Variants in ZDHHC9 observed in about 807,000 individuals in gnomAD.
ZDHHC9 encodes the protein palmitoyltransferase ZDHHC9.
A neutral mutation model predicts 26.6 loss-of-function variants in ZDHHC9; 3 were observed. The observed-to-expected ratio is 0.11, with a 90% CI of 0.05 to 0.29. ZDHHC9 has a LOEUF of 0.29. Among genes scored for constraint, ZDHHC9 ranks in the 10% least tolerant of loss-of-function variants. The probability of loss-of-function intolerance (pLI) is 1.00; values close to 1 mark genes in which losing one functional copy is unlikely to be tolerated. For missense variants in ZDHHC9, 146 were observed against 296.4 expected, an observed-to-expected ratio of 0.49 and a Z score of 3.73; for synonymous variants, 111 against 109.4, an observed-to-expected ratio of 1.01 and a Z score of -0.09.
In ZDHHC9 at chrX:129,810,924, C is replaced by T. The variant is rs761865458; in HGVS notation, c.959G>A (p.Ser320Asn). 4.1e-6 allele frequency: 5 copies of T among 1,211,366 alleles called. No individual in the cohort carries two copies. The highest frequency in any genetic ancestry group is 5.6e-6 in the Non-Finnish European group (5 of 895,184). Residue 320 changes from serine (S) to asparagine (N), a missense_variant, in exon 10 of 11, where the codon AGC becomes AAC. Ser to Asn is a conservative substitution (Grantham distance 46, BLOSUM62 1). Around this residue, in one of 2 missense-constraint regions of ZDHHC9, gnomAD observed 46 missense variants for 46.4 expected, o/e 0.99. Coordinates refer to ENST00000357166, the MANE Select transcript of ZDHHC9 (RefSeq NM_016032.4). ...RPPSTQETSS[S>N]LLPQSPAPTE... is the part of the protein sequence containing the mutation. ...ACTTACTGGGCTCTGTGGCAAGAGGCTGCTACTGGTCTCTTGAGTACTGGG... is the reference window on the plus strand; with the variant it reads ...ACTTACTGGGCTCTGTGGCAAGAGGTTGCTACTGGTCTCTTGAGTACTGGG...
At chrX:129,807,848 G>T (rs1927556849) in intron 10 of ZDHHC9, among the ~76,000 whole-genome samples, 1 of 112,059 alleles carries the variant, frequency 8.9e-6, no homozygotes, top group African/African-American at 3.2e-5. Context: ...AAACAAAAAA[G>T]AACTAATGAA....
rs1362194883 is a variant in ZDHHC9, at chrX:129,828,296, C to T, written c.328+685G>A. On this transcript the variant is annotated intron_variant, in intron 4 of 10. Coordinates refer to ENST00000357166, the MANE Select transcript of ZDHHC9 (RefSeq NM_016032.4). ...GCTCTTGAGCCACTTGCTCAAGCCC[C>T]CTCCCACTCTGTGGAGTGTACTTTT... Among the ~76,000 whole-genome samples the T allele has an allele frequency of 3.6e-5, 4 of 111,483 alleles. No homozygotes were observed. The Admixed American group carries it at 3.8e-4, about 11-fold the overall frequency.
chrX:129,807,112 G>A (rs1927533494), intron 10 of ZDHHC9, among the ~76,000 whole-genome samples: 1 of 112,610 alleles, frequency 8.9e-6, no homozygotes, highest in African/African-American at 3.2e-5. Context: ...GAAAGGCAAA[G>A]TAGAGAACTA....
chrX:129,814,838 C>T, intron 5 of ZDHHC9, 43 bp from the exon 6 acceptor site: 1 of 1,195,372 alleles, frequency 8.4e-7, no homozygotes, highest in Middle Eastern at 2.3e-4. Context: ...GCCTCCAGAA[C>T]AAAAATCAAC....
chrX:129,811,569 A>G, intron 8 of ZDHHC9, 60 bp from the exon 9 acceptor site: 4 of 888,205 alleles, frequency 4.5e-6, no homozygotes, highest in Non-Finnish European at 6.4e-6. Context: ...AAATAATAAT[A>G]ATAAAATTAA....
rs762196668 is a variant in ZDHHC9 at position 129,811,021 on chromosome X, T to C, written c.882-20A>G. 8.4e-7 allele frequency: 1 copy of C among 1,186,941 alleles called. No individual in the cohort carries two copies. Among genetic ancestry groups the C allele is most frequent in the East Asian group, 3.0e-5 (1 of 33,639 alleles). Reference sequence around the variant, plus strand: ...AGCACACTGAAGGAGATAAGAGAGTTAACAAAGAACTGGGCATTCACCCCT... The same window carrying C: ...AGCACACTGAAGGAGATAAGAGAGTCAACAAAGAACTGGGCATTCACCCCT... On this transcript the variant is annotated intron_variant, in intron 9 of 10. Coordinates refer to ENST00000357166, the MANE Select transcript of ZDHHC9 (RefSeq NM_016032.4).
At chrX:129,839,223 CTT>C (rs767316222) in intron 3 of ZDHHC9, among the ~76,000 whole-genome samples, 28 of 94,532 alleles carry the variant, frequency 3.0e-4, no homozygotes, top group Admixed American at 4.6e-4. Context: ...TCACTAAGTT[CTT>C]TTTTTTTTTT....
rs770656454 is a variant in ZDHHC9, at chrX:129,836,042, C to T, written c.167+5737G>A. 7.2e-5 allele frequency among the ~76,000 whole-genome samples: 8 copies of T among 111,646 alleles called. 1 individual carries two copies. Among genetic ancestry groups the T allele is most frequent in the African/African-American group, 2.6e-4 (8 of 30,769 alleles). ...ATAGAGTCATTCCCCAGAGAATGCA[C>T]TCTTGGTTACAGAGCACAATATAGT... On this transcript the variant is annotated intron_variant, in intron 3 of 10. Coordinates refer to ENST00000357166, the MANE Select transcript of ZDHHC9 (RefSeq NM_016032.4).
chrX:129,811,651 G>A, intron 8 of ZDHHC9, 142 bp from the exon 9 acceptor site: 1 of 507,971 alleles, frequency 2.0e-6, no homozygotes, highest in South Asian at 3.6e-5. Context: ...TAATAAAAAA[G>A]TTCTGGAAAT....
At chrX:129,806,559 C>G (rs951224143) in intron 10 of ZDHHC9, 73 bp from the exon 11 acceptor site, 3 of 924,442 alleles carry the variant, frequency 3.2e-6, no homozygotes, top group Admixed American at 2.4e-5. Flanking sequence ...ACCTTAGACA[C>G]TGAACTCTTC....
chrX:129,838,547 T>C (rs1955682233), intron 3 of ZDHHC9, among the ~76,000 whole-genome samples: 1 of 111,267 alleles, frequency 9.0e-6, no homozygotes, highest in Non-Finnish European at 1.9e-5. Flanking sequence ...CAGGTGTCTG[T>C]AATCCCAGCT....
intron 4 of ZDHHC9, among the ~76,000 whole-genome samples, chrX:129,826,121 T>A (rs1259038812): frequency 8.9e-6 from 1 of 112,357 alleles, no homozygotes; most frequent in Non-Finnish European, 1.9e-5. Flanking sequence ...TTTTCCTTTT[T>A]TTGTGGAGTG....
In ZDHHC9 at chrX:129,806,462, T is replaced by C; in HGVS notation, c.1003A>G (p.Asn335Asp). 1.7e-6 allele frequency: 2 copies of C among 1,211,653 alleles called. No individual in the cohort carries two copies. The highest frequency in any genetic ancestry group is 2.2e-6 in the Non-Finnish European group (2 of 895,363). The stretch of plus-strand genomic sequence containing the variant: ...GTGCTGCTGTCCTCCGGCATCTCAT[T>C]TGAGTTCAGGTGTTCTGTGGGGGCC... ...SPAPTEHLNS[N>D]EMPEDSSTPE... The change falls in exon 11 of 11, where the codon AAT becomes GAT. Residue 335 changes from asparagine to aspartate, a missense_variant. Asn to Asp is a conservative substitution (Grantham distance 23). Around this residue, in one of 2 missense-constraint regions of ZDHHC9, gnomAD observed 46 missense variants for 46.4 expected, o/e 0.99. Transcript: ENST00000357166.
At chrX:129,842,156 C>A (rs1319706570) in intron 2 of ZDHHC9, 76 bp from the exon 3 acceptor site, 4 of 453,819 alleles carry the variant, frequency 8.8e-6, no homozygotes, top group Non-Finnish European at 1.1e-5. Flanking sequence ...TTCCCAGAGA[C>A]AGAAAGTTGA....
intron 3 of ZDHHC9, among the ~76,000 whole-genome samples, chrX:129,832,708 G>A (rs1011229802): frequency 3.0e-4 from 33 of 110,684 alleles, no homozygotes; most frequent in South Asian, 1.5e-3. Context: ...GTGTGAACCC[G>A]GGAGGTGGAG....
At chrX:129,838,345 C>T (rs781068992) in intron 3 of ZDHHC9, among the ~76,000 whole-genome samples, 1 of 111,352 alleles carries the variant, frequency 9.0e-6, no homozygotes, top group African/African-American at 3.3e-5. Flanking sequence ...TCGGTGACAG[C>T]GGCCCGAGAG....
chrX:129,825,587 A>T (rs1032317492), intron 4 of ZDHHC9, among the ~76,000 whole-genome samples: 8 of 110,887 alleles, frequency 7.2e-5, no homozygotes, highest in African/African-American at 2.6e-4. Context: ...TATTGTTGGG[A>T]TTTTTTACTA....
At chrX:129,823,569 T>C in intron 5 of ZDHHC9, 110 bp downstream of exon 5, 1 of 950,571 alleles carries the variant, frequency 1.1e-6, no homozygotes, top group Non-Finnish European at 1.5e-6. Context: ...CTAAATCTAG[T>C]TCATTTCTCA....
Position 129,807,454 on chromosome X carries a change from G to GAAA in ZDHHC9, c.979-971_979-969dup, listed in dbSNP as rs779819713. Among the ~76,000 whole-genome samples, 108 of 27,349 alleles carry GAAA rather than the reference G, an allele frequency of 3.9e-3. 1 individual carries two copies. Among genetic ancestry groups the GAAA allele is most frequent in the African/African-American group, 0.011 (99 of 8,868 alleles). The allele number at this position is 27,349 out of a possible 115,157, so 23.7% of individuals were successfully genotyped here. A position where few individuals can be genotyped will look rare whatever the true frequency, so the allele number is the denominator to read the frequency against. On this transcript the variant is annotated intron_variant, in intron 10 of 10. Coordinates refer to ENST00000357166, the MANE Select transcript of ZDHHC9 (RefSeq NM_016032.4). ...GGCGACAGAGCGAGACTCCGTCTCA[G>GAAA]AAAAAAAAAAAAAAAAAAAAAGTAT... is the stretch of plus-strand genomic sequence containing the variant.
Sources: gnomAD v4.1 joint callset for allele counts (sites outside exome capture counted in the v4.1 genomes callset) on GRCh38, gnomAD v4.1.1 for gene constraint, gnomAD v4.1.1 regional missense constraint, MANE v1.5 for transcripts, NCBI Gene and HGNC (gene_info 2026-07-23, HGNC 2026-07-21) for gene names.